MYO16: variants seen among roughly 807,000 people sequenced by gnomAD.
MYO16 encodes the protein unconventional myosin-XVI.
MYO16 carries 94 observed loss-of-function variants against 205.3 expected under a neutral mutation model. That is an observed-to-expected ratio of 0.46 (90% CI 0.39 to 0.54). The LOEUF (loss-of-function observed/expected upper bound fraction) is 0.54, where lower values mean the gene tolerates loss of function less well. Ranked by LOEUF, MYO16 falls within the 20% of genes least tolerant of loss-of-function variation. The pLI is 0.00. For missense variants in MYO16, 2,315 were observed against 2,387.5 expected, an observed-to-expected ratio of 0.97 and a Z score of 0.63; for synonymous variants, 988 against 954.0, an observed-to-expected ratio of 1.04 and a Z score of -0.66.
At chr13:108,821,147 A>G (rs1875948586) in intron 8 of MYO16, among the ~76,000 whole-genome samples, 2 of 152,090 alleles carry the variant, frequency 1.3e-5, no homozygotes, top group African/African-American at 4.8e-5. Flanking sequence ...GATCTGAATA[A>G]CTTTATAAAT....
chr13:108,997,387 A>AGAGAGAGAGAGAGAGGGAGG (rs1885059622), intron 21 of MYO16, among the ~76,000 whole-genome samples: 1 of 101,714 alleles, frequency 9.8e-6, no homozygotes, highest in African/African-American at 3.8e-5. Context: ...AGAGAGAGAG[A>AGAGAGAGAGAGAGAGGGAGG]GAGGGAGGGA....
intron 9 of MYO16, among the ~76,000 whole-genome samples, chr13:108,832,023 T>C (rs2139042959): frequency 6.6e-6 from 1 of 152,268 alleles, no homozygotes; most frequent in East Asian, 1.9e-4. Flanking sequence ...GCTGTAACTT[T>C]GGGGTATCAT....
At chr13:108,951,581 T>G (rs551348930) in intron 16 of MYO16, among the ~76,000 whole-genome samples, 43 of 152,288 alleles carry the variant, frequency 2.8e-4, no homozygotes, top group Non-Finnish European at 5.6e-4. Flanking sequence ...TTTAAGAACA[T>G]AGAAGTTTAT....
At chr13:108,568,871 G>A in the MYO16 span, among the ~76,000 whole-genome samples, 59,515 of 151,646 alleles carry the variant, frequency 0.39, 12,794 homozygotes, top group East Asian at 0.56. Context: ...TAATTTTTCT[G>A]TCCAACTTTC....
At chr13:109,040,385 C>CACAG (rs1394314811) in intron 23 of MYO16, among the ~76,000 whole-genome samples, 78 of 113,286 alleles carry the variant, frequency 6.9e-4, no homozygotes, top group East Asian at 2.2e-3. Flanking sequence ...CACACACACA[C>CACAG]AGAGAGAGAG....
intron 27 of MYO16, among the ~76,000 whole-genome samples, chr13:109,094,777 C>T (rs1888727234): frequency 6.6e-6 from 1 of 152,092 alleles, no homozygotes; most frequent in Admixed American, 6.5e-5. Context: ...TGTTAGTTTG[C>T]TGAGAATGAT....
At chr13:108,549,011 C>T in the MYO16 span, among the ~76,000 whole-genome samples, 2 of 152,120 alleles carry the variant, frequency 1.3e-5, no homozygotes, top group Admixed American at 6.5e-5. Flanking sequence ...AGAATTCCCA[C>T]AGCACTGTGT....
rs187323795 is a variant in MYO16, at chr13:109,162,578, G to A, written c.5165-2323G>A. 2.6e-5 allele frequency among the ~76,000 whole-genome samples: 4 copies of A among 152,264 alleles called. No individual in the cohort carries two copies. Among genetic ancestry groups the A allele is most frequent in the African/African-American group, 7.2e-5 (3 of 41,542 alleles). On this transcript the variant is annotated intron_variant, in intron 32 of 34. Coordinates refer to ENST00000457511, the MANE Select transcript of MYO16 (RefSeq NM_001198950.3). This position sits in a 1 kb window ranked among gnomAD's most constrained non-coding sequence, Gnocchi z 4.6. ...CACTTACTAGGTTTTCCACGTAGCTGTGAGTCCACCACGTTTAATTATCTG... is the reference window on the plus strand; with the variant it reads ...CACTTACTAGGTTTTCCACGTAGCTATGAGTCCACCACGTTTAATTATCTG...
chr13:108,793,459 C>T, intron 5 of MYO16, 57 bp from the exon 6 acceptor site: 3 of 1,555,364 alleles, frequency 1.9e-6, no homozygotes, highest in Non-Finnish European at 2.6e-6. Flanking sequence ...AGGCTTTGAC[C>T]CCCAGGAACT....
the MYO16 span, among the ~76,000 whole-genome samples, chr13:108,526,119 C>G: frequency 6.6e-6 from 1 of 152,192 alleles, no homozygotes; most frequent in South Asian, 2.1e-4. Flanking sequence ...GACAGATACT[C>G]TATTCTTTTT....
the MYO16 span, among the ~76,000 whole-genome samples, chr13:108,535,582 G>A: frequency 6.6e-6 from 1 of 152,142 alleles, no homozygotes; most frequent in African/African-American, 2.4e-5. Flanking sequence ...TCAGAGAATA[G>A]TGTTTAATAT....
chr13:108,545,301 T>A, the MYO16 span, among the ~76,000 whole-genome samples: 2 of 152,180 alleles, frequency 1.3e-5, no homozygotes, highest in Non-Finnish European at 2.9e-5. Flanking sequence ...ATAATCGCCT[T>A]CAGTTCCATC....
Position 109,162,297 on chromosome 13 carries a change from G to A in MYO16, c.5165-2604G>A, listed in dbSNP as rs955789828. Among the ~76,000 whole-genome samples, 1 of 152,138 alleles carries A rather than the reference G, an allele frequency of 6.6e-6. No homozygotes were observed. The highest frequency in any genetic ancestry group is 1.5e-5 in the Non-Finnish European group (1 of 68,016). On this transcript the variant is annotated intron_variant, in intron 32 of 34. Transcript: ENST00000457511. The surrounding 1 kb of genome is among the most constrained non-coding windows in gnomAD (Gnocchi z 4.6). ...AAGTGCCTTAGAGGATTCGTTTATT[G>A]CCACCAGGTGTAAGAGGACTGTGCT... is the stretch of plus-strand genomic sequence containing the variant.
chr13:108,927,270 T>G (rs576345434), intron 16 of MYO16, among the ~76,000 whole-genome samples: 10 of 152,330 alleles, frequency 6.6e-5, no homozygotes, highest in African/African-American at 2.4e-4. Context: ...TTTCGGCATT[T>G]AGAATCTTTT....
intron 20 of MYO16, among the ~76,000 whole-genome samples, chr13:108,983,065 T>C (rs937740497): frequency 2.0e-5 from 3 of 152,198 alleles, no homozygotes; most frequent in African/African-American, 7.2e-5. Flanking sequence ...GAACATTTTA[T>C]TGATAATATG....
chr13:109,138,074 G>A (rs17517), intron 31 of MYO16, among the ~76,000 whole-genome samples: 63,539 of 152,144 alleles, frequency 0.42, 14,339 homozygotes, highest in Non-Finnish European at 0.51. Context: ...CTGGTTGAAT[G>A]CATATGACTG....
rs370477432 is a variant in MYO16 at position 108,757,323 on chromosome 13, T to G, written c.508-28312T>G. The stretch of plus-strand genomic sequence containing the variant: ...TTGAAGTTTTGATCTTTGAGTTGTC[T>G]ACGGAATATTTTATTCCTAATGCGG... On this transcript the variant is annotated intron_variant, in intron 4 of 34. Transcript: ENST00000457511. Among the ~76,000 whole-genome samples the G allele has an allele frequency of 8.5e-5, 13 of 152,308 alleles. No individual in the cohort carries two copies. The East Asian group carries it at 9.7e-4, about 11-fold the overall frequency.
At chr13:109,080,104 T>C (rs1888238129) in intron 27 of MYO16, among the ~76,000 whole-genome samples, 1 of 151,908 alleles carries the variant, frequency 6.6e-6, no homozygotes. Context: ...TCAAAACTCC[T>C]GACCTCGTGA....
intron 1 of MYO16, among the ~76,000 whole-genome samples, chr13:108,633,859 G>T (rs183919737): frequency 1.3e-3 from 192 of 152,258 alleles, no homozygotes; most frequent in African/African-American, 3.9e-3. Context: ...TTTCTGCAAT[G>T]CACTAACACA....
Sources: allele counts gnomAD v4.1 joint callset (sites outside exome capture counted in the v4.1 genomes callset), GRCh38; gene constraint gnomAD v4.1.1; non-coding constraint Gnocchi (gnomAD v3.1); transcripts MANE v1.5; gene names NCBI Gene and HGNC (gene_info 2026-07-23, HGNC 2026-07-21).